Variants in RIMS2 observed in about 807,000 individuals in gnomAD.
The protein encoded by RIMS2 is regulating synaptic membrane exocytosis 2.
RIMS2 carries 59 observed loss-of-function variants against 174.4 expected under a neutral mutation model. The observed-to-expected ratio is 0.34, with a 90% CI of 0.27 to 0.42. RIMS2 has a LOEUF of 0.42. Ranked by LOEUF, RIMS2 falls within the 10% of genes least tolerant of loss-of-function variation. RIMS2 has a pLI of 1.00. For synonymous variants in RIMS2, 606 were observed against 572.5 expected (o/e 1.06, Z -0.84); for missense variants, 1,620 against 1,666.3 (o/e 0.97, Z 0.48).
intron 1 of RIMS2, among the ~76,000 whole-genome samples, chr8:103,640,252 T>C (rs2096198679): frequency 6.6e-6 from 1 of 151,932 alleles, no homozygotes; most frequent in Admixed American, 6.6e-5. Flanking sequence ...TCATTTTTTA[T>C]ATTAGTAATT....
At chr8:103,971,954 G>A (rs1282109611) in intron 15 of RIMS2, among the ~76,000 whole-genome samples, 2 of 151,998 alleles carry the variant, frequency 1.3e-5, no homozygotes, top group Admixed American at 6.6e-5. Flanking sequence ...TTTTCATCTA[G>A]TCACAAAATG....
At chr8:103,921,703 T>A in exon 10 of RIMS2, 1 of 1,550,480 alleles carries the variant, frequency 6.4e-7, no homozygotes, top group Non-Finnish European at 8.9e-7. Context: ...AAAAAATGGA[T>A]CGTCCTTCTA....
chr8:103,830,673 A>AT (rs2098820095), intron 3 of RIMS2, among the ~76,000 whole-genome samples: 2 of 152,002 alleles, frequency 1.3e-5, no homozygotes, highest in Non-Finnish European at 2.9e-5. Flanking sequence ...TTTTTATCCT[A>AT]TTTTTTCTCT....
intron 3 of RIMS2, among the ~76,000 whole-genome samples, chr8:103,793,970 A>G (rs904318651): frequency 2.0e-5 from 3 of 152,180 alleles, no homozygotes; most frequent in East Asian, 1.9e-4. Context: ...ATGCTCATGG[A>G]TAGGAAGAAT....
intron 2 of RIMS2, among the ~76,000 whole-genome samples, chr8:103,751,193 G>A (rs558852462): frequency 2.0e-5 from 3 of 152,178 alleles, no homozygotes; most frequent in East Asian, 1.9e-4. Context: ...GAGAACATGC[G>A]GTGTTTGGTT....
intron 1 of RIMS2, among the ~76,000 whole-genome samples, chr8:103,527,768 A>G (rs150546322): frequency 0.065 from 9,955 of 152,132 alleles, 402 homozygotes; most frequent in South Asian, 0.088. Context: ...TATGTGCCAC[A>G]TTTTCTCAAT....
chr8:103,878,160 C>T (rs1159158611), intron 3 of RIMS2, among the ~76,000 whole-genome samples: 1 of 151,854 alleles, frequency 6.6e-6, no homozygotes, highest in Non-Finnish European at 1.5e-5. Context: ...CTCTTGCATG[C>T]TGCCATGTAA....
At chr8:103,594,383 A>G (rs1171910111) in intron 1 of RIMS2, among the ~76,000 whole-genome samples, 1 of 151,678 alleles carries the variant, frequency 6.6e-6, no homozygotes, top group East Asian at 1.9e-4. Context: ...TTCAGGCATG[A>G]ATCATAGTGC....
intron 1 of RIMS2, among the ~76,000 whole-genome samples, chr8:103,529,837 A>G (rs1340910093): frequency 6.6e-6 from 1 of 152,246 alleles, no homozygotes; most frequent in Non-Finnish European, 1.5e-5. Context: ...TTGTTATACA[A>G]TATTTTTAAA....
chr8:103,602,881 C>T (rs1366360509), intron 1 of RIMS2, among the ~76,000 whole-genome samples: 1 of 152,166 alleles, frequency 6.6e-6, no homozygotes, highest in African/African-American at 2.4e-5. Context: ...GTGTAATTGT[C>T]ACACTGCTTT....
chr8:103,706,764 G>A (rs1178296907), intron 2 of RIMS2, among the ~76,000 whole-genome samples: 1 of 151,958 alleles, frequency 6.6e-6, no homozygotes, highest in Admixed American at 6.6e-5. Flanking sequence ...ATATGTCTTG[G>A]AGTAGTCTTA....
intron 17 of RIMS2, among the ~76,000 whole-genome samples, chr8:104,010,407 G>A (rs2095718797): frequency 1.3e-5 from 2 of 152,012 alleles, no homozygotes; most frequent in African/African-American, 4.8e-5. Flanking sequence ...CTTCTAAGTT[G>A]TTCTCTTTAT....
chr8:103,560,270 C>T (rs183987055), intron 1 of RIMS2, among the ~76,000 whole-genome samples: 12 of 152,094 alleles, frequency 7.9e-5, no homozygotes, highest in African/African-American at 2.2e-4. Flanking sequence ...CCCAGCTACT[C>T]GGGAGGCTGA....
chr8:103,584,969 A>C (rs569330900), intron 1 of RIMS2, among the ~76,000 whole-genome samples: 1 of 152,196 alleles, frequency 6.6e-6, no homozygotes, highest in Non-Finnish European at 1.5e-5. Flanking sequence ...AGATCCATTT[A>C]TCTGTTGCCT....
At chr8:103,957,908 G>T (rs1233370701) in intron 14 of RIMS2, among the ~76,000 whole-genome samples, 1 of 152,176 alleles carries the variant, frequency 6.6e-6, no homozygotes, top group South Asian at 2.1e-4. Flanking sequence ...AATAACAGAT[G>T]CTGGCAAGGT....
chr8:104,113,941 G>A (rs1351275377), intron 19 of RIMS2, among the ~76,000 whole-genome samples: 1 of 151,296 alleles, frequency 6.6e-6, no homozygotes, highest in Admixed American at 6.6e-5. Flanking sequence ...TGGATTAATG[G>A]CATACAAAAA....
intron 19 of RIMS2, among the ~76,000 whole-genome samples, chr8:104,184,169 C>G (rs2136071817): frequency 6.6e-6 from 1 of 151,706 alleles, no homozygotes; most frequent in Non-Finnish European, 1.5e-5. Context: ...TTGTCTTGAA[C>G]AGGTCATCTA....
At chr8:103,794,003 C>T (rs1255085172) in intron 3 of RIMS2, among the ~76,000 whole-genome samples, 1 of 152,146 alleles carries the variant, frequency 6.6e-6, no homozygotes, top group African/African-American at 2.4e-5. Flanking sequence ...AATGGCCATA[C>T]TGCCCAAGGT....
At chr8:103,531,186 G>A (rs185990409) in intron 1 of RIMS2, among the ~76,000 whole-genome samples, 1 of 152,002 alleles carries the variant, frequency 6.6e-6, no homozygotes, top group East Asian at 1.9e-4. Context: ...TCTTTAATGT[G>A]CACACTAAAC....
Sources: gnomAD v4.1 joint callset for allele counts (sites outside exome capture counted in the v4.1 genomes callset) on GRCh38, gnomAD v4.1.1 for gene constraint, MANE v1.5 for transcripts, NCBI Gene and HGNC (gene_info 2026-07-23, HGNC 2026-07-21) for gene names.